Variants in PPP2R3A observed in about 807,000 individuals in gnomAD.
The protein encoded by PPP2R3A is serine/threonine-protein phosphatase 2A regulatory subunit B'' subunit alpha.
PPP2R3A carries 80 observed loss-of-function variants against 106.9 expected under a neutral mutation model. That is an observed-to-expected ratio of 0.75 (90% CI 0.62 to 0.90). The LOEUF (loss-of-function observed/expected upper bound fraction) is 0.90. Among genes scored for constraint, PPP2R3A ranks in the 40% least tolerant of loss-of-function variants. The probability of loss-of-function intolerance (pLI) is 0.00; values close to 1 mark genes in which losing one functional copy is unlikely to be tolerated. For synonymous variants in PPP2R3A, 483 were observed against 468.3 expected, an observed-to-expected ratio of 1.03 and a Z score of -0.41; for missense variants, 1,386 against 1,350.4, an observed-to-expected ratio of 1.03 and a Z score of -0.41.
At position 136,002,215 on chromosome 3, in the gene PPP2R3A, C is replaced by T. The variant is rs34944830; in HGVS notation, c.717C>T (p.Cys239=). 3 of 1,613,572 alleles carry T rather than the reference C, an allele frequency of 1.9e-6. No individual in the cohort carries two copies. The highest frequency in any genetic ancestry group is 1.1e-5 in the South Asian group (1 of 91,000). ...TGTGCTTGGACATCTTATTGAAATG[C>T]TCCGAGGATTTAAAAAAATGCACAG... ...IKMCLDILLK[C]SEDLKKCTDI... is the part of the protein sequence containing the mutation. Residue 239 remains cysteine, a synonymous_variant, in exon 2 of 14, where the codon TGC becomes TGT. Transcript: ENST00000264977.
At chr3:136,110,371 GA>G (rs750256149) in intron 13 of PPP2R3A, among the ~76,000 whole-genome samples, 2 of 151,806 alleles carry the variant, frequency 1.3e-5, no homozygotes, top group Non-Finnish European at 2.9e-5. Context: ...ACCAACACTA[GA>G]ACCAGTTTCT....
intron 5 of PPP2R3A, among the ~76,000 whole-genome samples, chr3:136,051,736 A>C (rs1350708119): frequency 1.3e-5 from 2 of 152,236 alleles, no homozygotes; most frequent in Non-Finnish European, 2.9e-5. Context: ...ATATCCGTAT[A>C]ACTAGCACAC....
chr3:136,140,267 A>AGAT (rs1366389252), intron 13 of PPP2R3A, among the ~76,000 whole-genome samples: 2 of 152,002 alleles, frequency 1.3e-5, no homozygotes, highest in African/African-American at 4.8e-5. Flanking sequence ...AGCAGGATAA[A>AGAT]GATTAAGGTT....
intron 8 of PPP2R3A, 75 bp from the exon 9 acceptor site, chr3:136,087,808 A>G: frequency 8.1e-7 from 1 of 1,231,606 alleles, no homozygotes; most frequent in South Asian, 1.3e-5. Flanking sequence ...AGTGAAAAGC[A>G]AATTTGTGAA....
At chr3:136,043,570 C>T (rs1295981580) in intron 4 of PPP2R3A, among the ~76,000 whole-genome samples, 3 of 152,138 alleles carry the variant, frequency 2.0e-5, no homozygotes, top group African/African-American at 4.8e-5. Context: ...TTCCCTGTGC[C>T]GCTGCCCATT....
intron 13 of PPP2R3A, among the ~76,000 whole-genome samples, chr3:136,142,868 C>G (rs1368811026): frequency 1.3e-5 from 2 of 151,662 alleles, no homozygotes; most frequent in Non-Finnish European, 2.9e-5. Context: ...GTTAGGGCAC[C>G]AAGGGGAAGA....
chr3:135,979,531 C>T (rs1016109654), intron 1 of PPP2R3A, among the ~76,000 whole-genome samples: 6 of 151,786 alleles, frequency 4.0e-5, no homozygotes, highest in African/African-American at 7.3e-5. Context: ...TGTGGGAACA[C>T]GATGTGTCAT....
At chr3:136,039,322 G>C (rs1196515647) in intron 3 of PPP2R3A, among the ~76,000 whole-genome samples, 1 of 152,144 alleles carries the variant, frequency 6.6e-6, no homozygotes, top group African/African-American at 2.4e-5. Context: ...TTCCACATTT[G>C]GGATATGTTT....
In PPP2R3A at chr3:136,094,703, A is replaced by C. The variant is rs1937176736; in HGVS notation, c.2927+4036A>C. 3.3e-5 allele frequency among the ~76,000 whole-genome samples: 5 copies of C among 152,240 alleles called. 1 individual carries two copies. In the South Asian group the frequency reaches 1.0e-3, roughly 31 times the overall value. ...AAAGAAATACATAACCTGAATAGTC[A>C]GATGTCTATTAAAGAAAATTGAATT... On this transcript the variant is annotated intron_variant, in intron 10 of 13. Coordinates refer to ENST00000264977, the MANE Select transcript of PPP2R3A (RefSeq NM_002718.5).
At chr3:136,000,931 A>G (rs1368131587) in intron 1 of PPP2R3A, 128 bp from the exon 2 acceptor site, 2 of 380,644 alleles carry the variant, frequency 5.3e-6, no homozygotes, top group Non-Finnish European at 9.3e-6. Context: ...CATGAGTTGA[A>G]TATCAGCTGT....
chr3:136,066,142 T>G (rs1314594277), intron 5 of PPP2R3A, among the ~76,000 whole-genome samples: 1 of 152,150 alleles, frequency 6.6e-6, no homozygotes, highest in Non-Finnish European at 1.5e-5. Context: ...ATACAGATAT[T>G]TATTACAAAA....
intron 2 of PPP2R3A, among the ~76,000 whole-genome samples, chr3:136,020,950 G>A (rs1934445465): frequency 6.6e-6 from 1 of 152,024 alleles, no homozygotes; most frequent in Non-Finnish European, 1.5e-5. Flanking sequence ...TAAACAGGAA[G>A]CCTTCATGAA....
intron 5 of PPP2R3A, among the ~76,000 whole-genome samples, chr3:136,051,092 C>A (rs114776365): frequency 1.3e-5 from 2 of 152,222 alleles, no homozygotes; most frequent in Admixed American, 1.3e-4. Context: ...TTCTTCATAG[C>A]CTGAGATATT....
intron 5 of PPP2R3A, among the ~76,000 whole-genome samples, chr3:136,068,189 T>G (rs577842183): frequency 1.6e-4 from 24 of 152,040 alleles, no homozygotes; most frequent in Admixed American, 5.9e-4. Flanking sequence ...CTACACTCCA[T>G]TCTGGGTGAC....
chr3:136,087,860 A>ATT, intron 8 of PPP2R3A, 23 bp from the exon 9 acceptor site: 8 of 1,445,094 alleles, frequency 5.5e-6, no homozygotes, highest in Admixed American at 1.8e-5. Flanking sequence ...TAGCTTTGCA[A>ATT]TTTTTTTTTT....
chr3:136,102,127 G>A lies in PPP2R3A; in HGVS notation c.3048G>A (p.Leu1016=), dbSNP rs2107966363. The change falls in exon 11 of 14, where the codon TTG becomes TTA. Residue 1016 remains leucine, a synonymous_variant. Coordinates refer to ENST00000264977, the MANE Select transcript of PPP2R3A (RefSeq NM_002718.5). ...TGGAAGCCATGGGAATTGAGCCCTTGCCATTCCATGATTTACTGTGCCAGA... is the reference window on the plus strand; with the variant it reads ...TGGAAGCCATGGGAATTGAGCCCTTACCATTCCATGATTTACTGTGCCAGA... The part of the protein sequence containing the change: ...ERMEAMGIEP[L]PFHDLLCQML... 1 of 1,613,810 alleles carries A rather than the reference G, an allele frequency of 6.2e-7. No homozygotes were observed. Among genetic ancestry groups the A allele is most frequent in the East Asian group, 2.2e-5 (1 of 44,852 alleles).
intron 2 of PPP2R3A, among the ~76,000 whole-genome samples, chr3:136,004,155 A>G (rs768161619): frequency 2.6e-5 from 4 of 152,262 alleles, no homozygotes; most frequent in Non-Finnish European, 5.9e-5. Flanking sequence ...ATCTAGAATC[A>G]CGGAAGTATT....
chr3:135,993,662 C>T (rs189936136), intron 1 of PPP2R3A, among the ~76,000 whole-genome samples: 1 of 152,240 alleles, frequency 6.6e-6, no homozygotes, highest in East Asian at 1.9e-4. Flanking sequence ...ATGAATATAC[C>T]AGAATTTGTT....
intron 7 of PPP2R3A, among the ~76,000 whole-genome samples, chr3:136,079,472 G>A (rs547167131): frequency 6.1e-4 from 91 of 149,786 alleles, no homozygotes; most frequent in Non-Finnish European, 4.6e-4. Context: ...GCAGTGGTGC[G>A]ATCTGGGTTC....
Sources: allele counts gnomAD v4.1 joint callset (sites outside exome capture counted in the v4.1 genomes callset), GRCh38; gene constraint gnomAD v4.1.1; transcripts MANE v1.5; gene names NCBI Gene and HGNC (gene_info 2026-07-23, HGNC 2026-07-21).